The following PRKG1 variants were observed in gnomAD, a reference collection of about 807,000 sequenced individuals.
The protein encoded by PRKG1 is protein kinase cGMP-dependent 1, also known as cGMP-dependent protein kinase 1.
In PRKG1, 35 loss-of-function variants were observed where a neutral mutation model predicts 88.1. That is an observed-to-expected ratio of 0.40 (90% CI 0.30 to 0.53). The LOEUF is 0.53. Ranked by LOEUF, PRKG1 falls within the 20% of genes least tolerant of loss-of-function variation. The probability of loss-of-function intolerance (pLI) is 0.59; values close to 1 mark genes in which losing one functional copy is unlikely to be tolerated. For missense variants in PRKG1, 540 were observed against 839.8 expected, an observed-to-expected ratio of 0.64 and a Z score of 4.41; for synonymous variants, 303 against 292.5, an observed-to-expected ratio of 1.04 and a Z score of -0.37.
At chr10:52,081,769 G>C in intron 7 of PRKG1, 1 of 445,734 alleles carries the variant, frequency 2.2e-6, no homozygotes, top group South Asian at 1.6e-5. Context: ...TTTTAAGTAG[G>C]GTGGTCGGTA....
At chr10:51,724,953 T>TC (rs1842097880) in intron 3 of PRKG1, among the ~76,000 whole-genome samples, 1 of 148,174 alleles carries the variant, frequency 6.7e-6, no homozygotes, top group Non-Finnish European at 1.5e-5. Context: ...GAAGTAATCC[T>TC]CCTGCCTTGG....
At chr10:51,803,615 T>G (rs914537677) in intron 3 of PRKG1, among the ~76,000 whole-genome samples, 1 of 152,094 alleles carries the variant, frequency 6.6e-6, no homozygotes, top group African/African-American at 2.4e-5. Flanking sequence ...GCAGAGAAAA[T>G]TGCGCTCTTC....
intron 1 of PRKG1, among the ~76,000 whole-genome samples, chr10:51,104,257 T>C (rs368068770): frequency 6.6e-6 from 1 of 152,188 alleles, no homozygotes; most frequent in South Asian, 2.1e-4. Context: ...AAGTGGTTAT[T>C]TCTAGGGTGC....
chr10:52,086,558 C>T (rs905992747), intron 7 of PRKG1, among the ~76,000 whole-genome samples: 1 of 152,032 alleles, frequency 6.6e-6, no homozygotes, highest in African/African-American at 2.4e-5. Context: ...GAGAGCATCA[C>T]CACACCCAGC....
chr10:52,105,591 T>C (rs1847399016), intron 7 of PRKG1, among the ~76,000 whole-genome samples: 1 of 152,128 alleles, frequency 6.6e-6, no homozygotes, highest in South Asian at 2.1e-4. Context: ...CTTGCACTTT[T>C]ATTTATTTTT....
chr10:51,702,567 G>A (rs140350578), intron 3 of PRKG1, among the ~76,000 whole-genome samples: 20 of 152,224 alleles, frequency 1.3e-4, no homozygotes, highest in South Asian at 8.3e-4. Flanking sequence ...ATGTCCAGAC[G>A]TTGATTCTTT....
chr10:51,886,519 G>T (rs1227633575), intron 4 of PRKG1, among the ~76,000 whole-genome samples: 1 of 152,040 alleles, frequency 6.6e-6, no homozygotes, highest in Non-Finnish European at 1.5e-5. Flanking sequence ...GCTAATGTTG[G>T]ATAAACATTT....
intron 1 of PRKG1, among the ~76,000 whole-genome samples, chr10:51,108,689 A>G (rs1487117567): frequency 6.6e-6 from 1 of 152,168 alleles, no homozygotes; most frequent in Non-Finnish European, 1.5e-5. Context: ...TGGGCGATTG[A>G]ATATTTTTCC....
chr10:51,026,923 A>G (rs1762980467), intron 1 of PRKG1, among the ~76,000 whole-genome samples: 1 of 152,198 alleles, frequency 6.6e-6, no homozygotes. Context: ...GAGAGCTCAG[A>G]TATATTACCC....
chr10:51,257,064 C>T (rs1019505738), intron 2 of PRKG1, among the ~76,000 whole-genome samples: 17 of 151,738 alleles, frequency 1.1e-4, no homozygotes, highest in Admixed American at 3.9e-4. Context: ...CAAGATAACT[C>T]ATTGGACACA....
chr10:51,949,034 G>A (rs370994005), intron 5 of PRKG1, among the ~76,000 whole-genome samples: 422 of 152,120 alleles, frequency 2.8e-3, no homozygotes, highest in African/African-American at 8.0e-3. Context: ...TCATTATTGC[G>A]TCTTTGTCTT....
At chr10:51,268,163 G>T (rs1839886060) in intron 2 of PRKG1, among the ~76,000 whole-genome samples, 1 of 152,120 alleles carries the variant, frequency 6.6e-6, no homozygotes, top group Non-Finnish European at 1.5e-5. Context: ...TACGAATAGA[G>T]TGTGGGTCAC....
chr10:51,836,822 T>C (rs1840143461), intron 4 of PRKG1, among the ~76,000 whole-genome samples: 1 of 152,204 alleles, frequency 6.6e-6, no homozygotes, highest in Non-Finnish European at 1.5e-5. Context: ...TAATATATCA[T>C]ACTGCTGCTT....
intron 2 of PRKG1, among the ~76,000 whole-genome samples, chr10:51,372,863 A>G (rs1193741558): frequency 6.6e-6 from 1 of 152,154 alleles, no homozygotes; most frequent in African/African-American, 2.4e-5. Flanking sequence ...CCAATCTTAT[A>G]TTCCTGGAAT....
chr10:52,057,121 T>A (rs1846129472), intron 6 of PRKG1, among the ~76,000 whole-genome samples: 1 of 152,184 alleles, frequency 6.6e-6, no homozygotes, highest in Non-Finnish European at 1.5e-5. Flanking sequence ...CAAACTGGCT[T>A]TTTCTTAGAA....
chr10:52,232,974 T>C (rs1840561679), intron 9 of PRKG1, among the ~76,000 whole-genome samples: 2 of 152,196 alleles, frequency 1.3e-5, no homozygotes, highest in South Asian at 4.1e-4. Flanking sequence ...CTGTCTGTTC[T>C]TTGAAAACAT....
intron 1 of PRKG1, among the ~76,000 whole-genome samples, chr10:50,997,100 A>T (rs1242725205): frequency 1.3e-5 from 2 of 152,186 alleles, no homozygotes; most frequent in African/African-American, 4.8e-5. Flanking sequence ...GTGATGAGAA[A>T]ACTGAGCAAA....
chr10:51,780,331 A>G (rs902498922), intron 3 of PRKG1, among the ~76,000 whole-genome samples: 1 of 152,126 alleles, frequency 6.6e-6, no homozygotes, highest in African/African-American at 2.4e-5. Context: ...GTTTTATACT[A>G]GAATGAAAAG....
intron 4 of PRKG1, among the ~76,000 whole-genome samples, chr10:51,812,140 C>A (rs1839472733): frequency 6.6e-6 from 1 of 152,068 alleles, no homozygotes; most frequent in African/African-American, 2.4e-5. Flanking sequence ...AAATAGGAAC[C>A]ATTACAATCA....
Sources: gnomAD v4.1 joint callset for allele counts (sites outside exome capture counted in the v4.1 genomes callset) on GRCh38, gnomAD v4.1.1 for gene constraint, MANE v1.5 for transcripts, NCBI Gene and HGNC (gene_info 2026-07-23, HGNC 2026-07-21) for gene names.